DLGAP2: variants seen among roughly 807,000 people sequenced by gnomAD.
DLGAP2 encodes the protein disks large-associated protein 2.
Under a neutral mutation model 100.3 loss-of-function variants are expected in DLGAP2, and 26 were observed. The ratio of observed to expected loss-of-function variants is 0.26; its 90% CI spans 0.19 to 0.36. The LOEUF is 0.36. DLGAP2 is among the 10% of genes least tolerant of loss of function. The pLI is 1.00. For synonymous variants in DLGAP2, 886 were observed against 630.1 expected (o/e 1.41, Z -6.08); for missense variants, 1,858 against 1,453.2 (o/e 1.28, Z -4.53).
chr8:960,256 G>A (rs1319981281), intron 2 of DLGAP2, among the ~76,000 whole-genome samples: 39 of 402 alleles, frequency 0.097, no homozygotes, highest in Non-Finnish European at 0.23. Flanking sequence ...TTTTTTTCCC[G>A]AGACACTCTC....
At chr8:849,635 C>T (rs891282306) in intron 1 of DLGAP2, among the ~76,000 whole-genome samples, 1 of 152,170 alleles carries the variant, frequency 6.6e-6, no homozygotes, top group Non-Finnish European at 1.5e-5. Context: ...TAATGGTCTC[C>T]CAGCCGTCCT....
intron 6 of DLGAP2, among the ~76,000 whole-genome samples, chr8:1,576,522 T>C (rs1802985235): frequency 6.6e-6 from 1 of 152,236 alleles, no homozygotes; most frequent in Non-Finnish European, 1.5e-5. Context: ...CTTTTGGTGT[T>C]CTACACATGA....
intron 1 of DLGAP2, among the ~76,000 whole-genome samples, chr8:773,419 C>G (rs1821420273): frequency 1.3e-5 from 2 of 151,602 alleles, no homozygotes; most frequent in South Asian, 4.2e-4. Flanking sequence ...CATATGTATA[C>G]ATGTGCCATG....
intron 3 of DLGAP2, among the ~76,000 whole-genome samples, chr8:1,448,470 G>C (rs151204167): frequency 1.3e-5 from 2 of 152,040 alleles, no homozygotes; most frequent in Admixed American, 6.6e-5. Context: ...TATAATTTCT[G>C]TTCTTTTACA....
chr8:1,487,238 T>C (rs900165731), intron 3 of DLGAP2, among the ~76,000 whole-genome samples: 1 of 152,222 alleles, frequency 6.6e-6, no homozygotes, highest in Non-Finnish European at 1.5e-5. Context: ...TTTTAACAAA[T>C]GCCATTCACT....
At chr8:1,495,360 C>T (rs547548314) in intron 3 of DLGAP2, among the ~76,000 whole-genome samples, 109 of 152,316 alleles carry the variant, frequency 7.2e-4, no homozygotes, top group Admixed American at 1.4e-3. Context: ...CAGCCGAGGA[C>T]GTTTACTGTC....
intron 3 of DLGAP2, among the ~76,000 whole-genome samples, chr8:1,352,503 G>C (rs1049542806): frequency 6.6e-6 from 1 of 152,120 alleles, no homozygotes; most frequent in African/African-American, 2.4e-5. Context: ...ACCCCAGACA[G>C]ACGTCTTAAG....
At position 1,359,304 on chromosome 8, in the gene DLGAP2, C is replaced by T. The variant is rs1354505625; in HGVS notation, c.106+100421C>T. Reference sequence around the variant, plus strand: ...ACCCTGTCCTCAGGCGGTCCATGCGCCCTGGTTAGACGCCTTCACCCAAAG... The same window carrying T: ...ACCCTGTCCTCAGGCGGTCCATGCGTCCTGGTTAGACGCCTTCACCCAAAG... On this transcript the variant is annotated intron_variant, in intron 3 of 14. Transcript: ENST00000637795. Among the ~76,000 whole-genome samples the T allele has an allele frequency of 2.6e-5, 4 of 152,238 alleles. No individual in the cohort carries two copies. In the East Asian group the frequency reaches 7.7e-4, roughly 29 times the overall value.
At chr8:1,174,744 T>G (rs761405307) in intron 2 of DLGAP2, among the ~76,000 whole-genome samples, 1 of 152,030 alleles carries the variant, frequency 6.6e-6, no homozygotes, top group Non-Finnish European at 1.5e-5. Flanking sequence ...CCAAAATCAT[T>G]ATCATCATTA....
intron 10 of DLGAP2, 40 bp downstream of exon 10, chr8:1,669,824 CTT>C (rs1340317010): frequency 9.0e-6 from 7 of 780,860 alleles, no homozygotes; most frequent in Non-Finnish European, 1.7e-5. Flanking sequence ...GTCCGCATGA[CTT>C]TCATTTTCTC....
At chr8:959,843 A>G (rs1244440121) in intron 2 of DLGAP2, among the ~76,000 whole-genome samples, 1 of 152,170 alleles carries the variant, frequency 6.6e-6, no homozygotes, top group Non-Finnish European at 1.5e-5. Context: ...AAAAACAATG[A>G]TTTTCATGCT....
intron 2 of DLGAP2, among the ~76,000 whole-genome samples, chr8:1,119,801 T>C (rs984652686): frequency 6.6e-6 from 1 of 152,234 alleles, no homozygotes; most frequent in Non-Finnish European, 1.5e-5. Flanking sequence ...AGAGTCACAG[T>C]TGACCCTACC....
chr8:1,213,498 A>G (rs1022316786), intron 2 of DLGAP2, among the ~76,000 whole-genome samples: 5 of 152,164 alleles, frequency 3.3e-5, no homozygotes, highest in African/African-American at 9.7e-5. Context: ...ATAATGTTAA[A>G]TATTCCTGAC....
At chr8:1,293,259 G>A (rs1585229356) in intron 3 of DLGAP2, among the ~76,000 whole-genome samples, 1 of 152,110 alleles carries the variant, frequency 6.6e-6, no homozygotes, top group South Asian at 2.1e-4. Flanking sequence ...CCCTCTCCTG[G>A]TGCAGTGCAG....
chr8:752,139 A>G (rs185588621), intron 1 of DLGAP2, among the ~76,000 whole-genome samples: 555 of 152,038 alleles, frequency 3.7e-3, no homozygotes, highest in Non-Finnish European at 6.1e-3. Context: ...GGTTGCCTGC[A>G]CCCCCTTCTC....
rs200504725 is a variant in DLGAP2, at chr8:1,550,213, G to GA, written c.1230+531dup. On this transcript the variant is annotated intron_variant, in intron 5 of 14. Coordinates refer to ENST00000637795, the MANE Select transcript of DLGAP2 (RefSeq NM_001346810.2). ...GGCAGATCTCCTTCTTTCAAAGACT[G>GA]AGTAGTGTCCCCTGTGTATGTACCG... Among the ~76,000 whole-genome samples, 135 of 152,310 alleles carry GA rather than the reference G, an allele frequency of 8.9e-4. 2 individuals are homozygous for GA. The East Asian group carries it at 0.025, about 28-fold the overall frequency.
chr8:1,057,650 A>G (rs1433578137), intron 2 of DLGAP2, among the ~76,000 whole-genome samples: 3 of 152,236 alleles, frequency 2.0e-5, no homozygotes, highest in Non-Finnish European at 4.4e-5. Flanking sequence ...GGACCAGGCA[A>G]ACAAGAAAAC....
At chr8:1,196,535 G>T (rs568348282) in intron 2 of DLGAP2, among the ~76,000 whole-genome samples, 1 of 152,306 alleles carries the variant, frequency 6.6e-6, no homozygotes, top group African/African-American at 2.4e-5. Flanking sequence ...TTCATAGCAT[G>T]GAGTTTCTCA....
chr8:909,658 A>G (rs1035406487), intron 2 of DLGAP2, among the ~76,000 whole-genome samples: 5 of 152,206 alleles, frequency 3.3e-5, no homozygotes, highest in African/African-American at 7.2e-5. Context: ...TTTTTATAGT[A>G]TAGAATGTTT....
Sources: gnomAD v4.1 joint callset for allele counts (sites outside exome capture counted in the v4.1 genomes callset) on GRCh38, gnomAD v4.1.1 for gene constraint, MANE v1.5 for transcripts, NCBI Gene and HGNC (gene_info 2026-07-23, HGNC 2026-07-21) for gene names.